LCN15: variants seen among roughly 807,000 people sequenced by gnomAD.
LCN15 encodes lipocalin 15, also known as lipocalin-15.
Under a neutral mutation model 23.1 loss-of-function variants are expected in LCN15, and 26 were observed. The ratio of observed to expected loss-of-function variants is 1.13; its 90% CI spans 0.82 to 1.56. The LOEUF is 1.56. Ranked by LOEUF, LCN15 falls within the 40% of genes most tolerant of loss-of-function variation. The pLI is 0.00. For missense variants in LCN15, 241 were observed against 239.5 expected (o/e 1.01, Z -0.04); for synonymous variants, 107 against 98.3 (o/e 1.09, Z -0.52).
rs1175049089 is a variant in LCN15 at position 136,763,263 on chromosome 9, G to A, written c.418+94C>T. ...CGGGGCCTGTGAGGAGGCGCGGGGC[G>A]GCAGGCGGGCGGGGCGGGGGTAGGC... On this transcript the variant is annotated intron_variant, in intron 4 of 6. Transcript: ENST00000316144. 3 of 678,524 alleles carry A rather than the reference G, an allele frequency of 4.4e-6. No homozygotes were observed. The African/African-American group carries it at 5.6e-5, about 13-fold the overall frequency. 42.0% of individuals were successfully genotyped at this position (678,524 alleles called of 1,614,324 possible). A position where few individuals can be genotyped will look rare whatever the true frequency, so the allele number is the denominator to read the frequency against.
rs1847318088 is a variant in LCN15 at position 136,761,599 on chromosome 9, C to T, written c.*32+188G>A. On this transcript the variant is annotated intron_variant, in intron 6 of 6. Transcript: ENST00000316144. The surrounding 1 kb of genome is among the most constrained non-coding windows in gnomAD (Gnocchi z 4.2). ...TTTAAGTCGCCCCATTTGTGGTACT[C>T]TGTGATGGGTACCTTAGGAAATCAA... Among the ~76,000 whole-genome samples the T allele has an allele frequency of 6.6e-6, 1 of 152,202 alleles. No homozygotes were observed. Among genetic ancestry groups the T allele is most frequent in the African/African-American group, 2.4e-5 (1 of 41,448 alleles).
intron 4 of LCN15, among the ~76,000 whole-genome samples, chr9:136,762,507 GTCC>G (rs1346157248): frequency 6.6e-6 from 1 of 152,160 alleles, no homozygotes; most frequent in Non-Finnish European, 1.5e-5. Context: ...TGGTCTGGCT[GTCC>G]TCCTGGGCCC....
chr9:136,763,250 G>C, intron 4 of LCN15, 107 bp downstream of exon 4: 1 of 633,566 alleles, frequency 1.6e-6, no homozygotes, highest in African/African-American at 1.9e-5. Flanking sequence ...GGGCCTGTGA[G>C]GAGGCGCGGG....
At position 136,763,875 on chromosome 9, in the gene LCN15, G is replaced by A. The variant is rs1016247673; in HGVS notation, c.231C>T (p.Phe77=). The A allele has an allele frequency of 3.1e-6, 5 of 1,613,452 alleles. No homozygotes were observed. In the Admixed American group the frequency reaches 6.7e-5, roughly 22 times the overall value. ...EEGGLHVHME[F]PGADGCNQVD... is the part of the protein sequence containing the mutation. ...GCCCAGCCCAAGTAACTCACCCCGG[G>A]AACTCCATGTGGACGTGGAGGCCGC... Residue 77 remains phenylalanine (F), a synonymous_variant, in exon 2 of 7, where the codon TTC becomes TTT. Coordinates refer to ENST00000316144, the MANE Select transcript of LCN15 (RefSeq NM_203347.2).
At chr9:136,763,085 A>G (rs1465663654) in intron 4 of LCN15, among the ~76,000 whole-genome samples, 1 of 151,276 alleles carries the variant, frequency 6.6e-6, no homozygotes, top group Admixed American at 6.6e-5. Context: ...CGGCGGGCCC[A>G]GCTCCCACCC....
chr9:136,762,183 G>A lies in LCN15; in HGVS notation c.520+5C>T, dbSNP rs1469252218. ...GCATGGGGTGGGCGGGGCTTGCCAGGGTACCTGACTGGGGCAGCATGACCA... is the reference window on the plus strand; with the variant it reads ...GCATGGGGTGGGCGGGGCTTGCCAGAGTACCTGACTGGGGCAGCATGACCA... On this transcript the variant is annotated splice_donor_5th_base_variant and intron_variant, in intron 5 of 6. Transcript: ENST00000316144. 6.4e-7 allele frequency: 1 copy of A among 1,556,282 alleles called. No individual in the cohort carries two copies. Among genetic ancestry groups the A allele is most frequent in the Non-Finnish European group, 8.7e-7 (1 of 1,151,078 alleles).
rs1016625990 is a variant in LCN15 at position 136,761,747 on chromosome 9, A to G, written c.*32+40T>C. The G allele has an allele frequency of 2.2e-5, 22 of 1,021,646 alleles. No individual in the cohort carries two copies. Among genetic ancestry groups the G allele is most frequent in the Non-Finnish European group, 2.7e-5 (21 of 790,378 alleles). The allele number at this position is 1,021,646 out of a possible 1,614,324, so 63.3% of individuals were successfully genotyped here. A position where few individuals can be genotyped will look rare whatever the true frequency, so the allele number is the denominator to read the frequency against. On this transcript the variant is annotated intron_variant, in intron 6 of 6. Transcript: ENST00000316144. This position sits in a 1 kb window ranked among gnomAD's most constrained non-coding sequence, Gnocchi z 4.2. The stretch of plus-strand genomic sequence containing the variant: ...TGTCAAGCTGCGATAGGGAGGGGAG[A>G]GGCAACCAGGGCATCCCCTGCAGGG...
chr9:136,760,698 G>A (rs775209221), intron 6 of LCN15, among the ~76,000 whole-genome samples: 4 of 152,246 alleles, frequency 2.6e-5, no homozygotes, highest in Non-Finnish European at 5.9e-5. Context: ...GGGGCACTGC[G>A]CGCGAAGGCT....
chr9:136,763,322 A>C, intron 4 of LCN15, 35 bp downstream of exon 4: 4 of 1,108,198 alleles, frequency 3.6e-6, no homozygotes, highest in Non-Finnish European at 4.9e-6. Flanking sequence ...GAAGTTGGGG[A>C]GGGGCCAGTG....
rs1391353430 is a variant in LCN15 at position 136,764,044 on chromosome 9, G to C, written c.97-35C>G. On this transcript the variant is annotated intron_variant, in intron 1 of 6. Transcript: ENST00000316144. ...GCTTAGTCACCCGCAGGCCAGGACA[G>C]CCAGCAGCAGGGCCCTCCTTGCCCA... 2.5e-6 allele frequency: 4 copies of C among 1,603,746 alleles called. No homozygotes were observed. The South Asian group carries it at 4.4e-5, about 18-fold the overall frequency.
At chr9:136,764,184 A>G (rs2131101404) in intron 1 of LCN15, 175 bp from the exon 2 acceptor site, 1 of 850,060 alleles carries the variant, frequency 1.2e-6, no homozygotes, top group Non-Finnish European at 1.8e-6. Context: ...TCACAGTGCA[A>G]CTGTGAGCCT....
chr9:136,763,549 C>G (rs1018478695), intron 3 of LCN15, 82 bp from the exon 4 acceptor site: 17 of 1,161,522 alleles, frequency 1.5e-5, no homozygotes, highest in Non-Finnish European at 1.9e-5. Context: ...GCCCCTGCTG[C>G]TGGGCTGTGA....
chr9:136,760,588 G>A (rs13294615), intron 6 of LCN15, among the ~76,000 whole-genome samples: 83,121 of 152,114 alleles, frequency 0.55, 23,866 homozygotes, highest in East Asian at 0.71. Flanking sequence ...GCTGTGCCCA[G>A]ATTCTTGGCG....
rs901214225 is a variant in LCN15 at position 136,761,880 on chromosome 9, T to C, written c.521-27A>G. ...TGTGGGGAGGAAGACATCCGTGAGA[T>C]GCTGACGGCCAGGACCGCCCTCGCT... is the stretch of plus-strand genomic sequence containing the variant. On this transcript the variant is annotated intron_variant, in intron 5 of 6. Coordinates refer to ENST00000316144, the MANE Select transcript of LCN15 (RefSeq NM_203347.2). The surrounding 1 kb of genome is among the most constrained non-coding windows in gnomAD (Gnocchi z 4.2). The C allele has an allele frequency of 5.2e-6, 7 of 1,333,692 alleles. No homozygotes were observed. Among genetic ancestry groups the C allele is most frequent in the African/African-American group, 1.5e-5 (1 of 65,768 alleles). The allele number at this position is 1,333,692 out of a possible 1,614,324, so 82.6% of individuals were successfully genotyped here. A position where few individuals can be genotyped will look rare whatever the true frequency, so the allele number is the denominator to read the frequency against.
At chr9:136,762,569 ACT>A (rs1289640389) in intron 4 of LCN15, among the ~76,000 whole-genome samples, 4 of 151,682 alleles carry the variant, frequency 2.6e-5, no homozygotes, top group South Asian at 4.2e-4. Flanking sequence ...CTCCAGCCTC[ACT>A]CTGTCGGCTC....
rs1049738003 is a variant in LCN15, at chr9:136,762,108, G to A, written c.520+80C>T. 126 of 956,120 alleles carry A rather than the reference G, an allele frequency of 1.3e-4. 2 individuals carry two copies. The South Asian group carries it at 2.0e-3, about 15-fold the overall frequency. The allele number at this position is 956,120 out of a possible 1,614,324, so 59.2% of individuals were successfully genotyped here. On this transcript the variant is annotated intron_variant, in intron 5 of 6. Transcript: ENST00000316144. ...CTGCTGCCCGCACACTGCCTGTGCT[G>A]TGAGGGGAAGGAAGGGTGGGCTCAT...
chr9:136,763,286 G>T, intron 4 of LCN15, 71 bp downstream of exon 4: 1 of 828,110 alleles, frequency 1.2e-6, no homozygotes, highest in South Asian at 1.9e-5. Flanking sequence ...GGCGGGGGTA[G>T]GCAGAACGGG....
At position 136,761,195 on chromosome 9, in the gene LCN15, A is replaced by G. The variant is rs1847313203; in HGVS notation, c.*32+592T>C. ...CTCCTTCAGAGCTTCCAGAGGAACC[A>G]GCCCTGTGGACATCTTGATTTTGGA... On this transcript the variant is annotated intron_variant, in intron 6 of 6. Transcript: ENST00000316144. This position sits in a 1 kb window ranked among gnomAD's most constrained non-coding sequence, Gnocchi z 4.2. Among the ~76,000 whole-genome samples the G allele has an allele frequency of 6.6e-6, 1 of 152,212 alleles. No individual in the cohort carries two copies. Among genetic ancestry groups the G allele is most frequent in the African/African-American group, 2.4e-5 (1 of 41,446 alleles).
chr9:136,760,184 G>A (rs946326563), intron 6 of LCN15, among the ~76,000 whole-genome samples: 13 of 152,356 alleles, frequency 8.5e-5, no homozygotes, highest in Non-Finnish European at 1.3e-4. Flanking sequence ...TGGCCCAGGC[G>A]GGGCACTCTA....
Sources: gnomAD v4.1 joint callset for allele counts (sites outside exome capture counted in the v4.1 genomes callset) on GRCh38, gnomAD v4.1.1 for gene constraint, Gnocchi (gnomAD v3.1) non-coding constraint, MANE v1.5 for transcripts, NCBI Gene and HGNC (gene_info 2026-07-23, HGNC 2026-07-21) for gene names.